Variants in DAB1 observed in about 807,000 individuals in gnomAD.
DAB1 encodes the protein DAB adaptor protein 1.
Under a neutral mutation model 64.6 loss-of-function variants are expected in DAB1, and 15 were observed. That is an observed-to-expected ratio of 0.23 (90% CI 0.16 to 0.36). DAB1 has a LOEUF of 0.36. Ranked by LOEUF, DAB1 falls within the 10% of genes least tolerant of loss-of-function variation. The probability of loss-of-function intolerance (pLI) is 1.00; values close to 1 mark genes in which losing one functional copy is unlikely to be tolerated. For synonymous variants in DAB1, 235 were observed against 251.9 expected, an observed-to-expected ratio of 0.93 and a Z score of 0.64; for missense variants, 596 against 706.7, an observed-to-expected ratio of 0.84 and a Z score of 1.78.
At chr1:58,240,910 A>C (rs1660263573) in intron 4 of DAB1, among the ~76,000 whole-genome samples, 5 of 152,190 alleles carry the variant, frequency 3.3e-5, no homozygotes, top group Admixed American at 3.3e-4. Context: ...CATACAGGAC[A>C]GTTTTTAAAG....
chr1:57,605,965 T>C, intron 7 of DAB1: 1 of 685,964 alleles, frequency 1.5e-6, no homozygotes, highest in Non-Finnish European at 2.7e-6. Context: ...GATTCTCATC[T>C]GGAAACGACC....
At chr1:57,576,081 G>A (rs777717009) in intron 7 of DAB1, among the ~76,000 whole-genome samples, 29 of 152,230 alleles carry the variant, frequency 1.9e-4, no homozygotes, top group Non-Finnish European at 4.1e-4. Flanking sequence ...TTAAACCAAT[G>A]CACATTCAGT....
intron 7 of DAB1, among the ~76,000 whole-genome samples, chr1:57,642,833 A>G (rs917220561): frequency 6.6e-6 from 1 of 152,212 alleles, no homozygotes; most frequent in Non-Finnish European, 1.5e-5. Context: ...ATTTTGTCCC[A>G]GATGCTGTCA....
chr1:57,700,023 T>C (rs981824550), intron 6 of DAB1, among the ~76,000 whole-genome samples: 7 of 152,266 alleles, frequency 4.6e-5, no homozygotes, highest in African/African-American at 1.7e-4. Context: ...CCTTTTGAAT[T>C]TCTTCTGTCT....
At chr1:57,057,791 G>A (rs1174017772) in intron 9 of DAB1, among the ~76,000 whole-genome samples, 1 of 142,046 alleles carries the variant, frequency 7.0e-6, no homozygotes, top group African/African-American at 2.6e-5. Context: ...TGTATTTTTA[G>A]TAGAGACGGG....
intron 5 of DAB1, among the ~76,000 whole-genome samples, chr1:58,003,948 G>T (rs1646543463): frequency 1.3e-5 from 2 of 152,124 alleles, no homozygotes; most frequent in South Asian, 4.2e-4. Context: ...GGGAAGTGGG[G>T]GTCAGAATAC....
Position 57,736,642 on chromosome 1 carries a change from A to G in DAB1, n.552-86977T>C, listed in dbSNP as rs112457527. Among the ~76,000 whole-genome samples the G allele has an allele frequency of 5.4e-3, 818 of 152,260 alleles. 10 individuals carry two copies. The highest frequency in any genetic ancestry group is 0.019 in the African/African-American group (779 of 41,530). ...AGCTTTTACGACCTGCATTATTATT[A>G]TTTTTAAGGAAACAGTGATTAGTCC... On this transcript the variant is annotated intron_variant and non_coding_transcript_variant, in intron 6 of 20. Transcript: ENST00000485760.
chr1:57,839,465 A>T (rs1652956927), intron 1 of DAB1, among the ~76,000 whole-genome samples: 1 of 152,194 alleles, frequency 6.6e-6, no homozygotes, highest in East Asian at 1.9e-4. Flanking sequence ...ATTTTTTGTC[A>T]TTTAAAGTTC....
chr1:58,357,151 G>C (rs1644119978), intron 3 of DAB1, among the ~76,000 whole-genome samples: 2 of 152,066 alleles, frequency 1.3e-5, no homozygotes. Flanking sequence ...TTCTTCAGCA[G>C]CTTTTGGATT....
chr1:58,261,379 G>A (rs1569577564), intron 4 of DAB1, among the ~76,000 whole-genome samples: 1 of 152,282 alleles, frequency 6.6e-6, no homozygotes, highest in East Asian at 1.9e-4. Flanking sequence ...GAACTGGACA[G>A]ACAAGCCCAC....
At chr1:57,050,861 GAATA>G (rs1649115055) in intron 9 of DAB1, among the ~76,000 whole-genome samples, 1 of 152,176 alleles carries the variant, frequency 6.6e-6, no homozygotes. Flanking sequence ...CCCAATGGAG[GAATA>G]AATGAATAAA....
chr1:57,123,516 C>T (rs564240672), intron 4 of DAB1, among the ~76,000 whole-genome samples: 6 of 152,120 alleles, frequency 3.9e-5, no homozygotes, highest in Non-Finnish European at 7.4e-5. Flanking sequence ...ATACATCTAG[C>T]AGTACAACTT....
chr1:57,693,765 C>G (rs1646792505), intron 6 of DAB1, among the ~76,000 whole-genome samples: 1 of 152,148 alleles, frequency 6.6e-6, no homozygotes, highest in Non-Finnish European at 1.5e-5. Flanking sequence ...AAGGAAGAAA[C>G]TCTGGATGTG....
intron 4 of DAB1, among the ~76,000 whole-genome samples, chr1:58,198,480 T>C (rs688010): frequency 0.53 from 80,400 of 152,038 alleles, 22,889 homozygotes; most frequent in Middle Eastern, 0.7. Context: ...AGGCAAGTCC[T>C]TGAACCTCTC....
chr1:58,432,817 G>A (rs905417765), intron 3 of DAB1, among the ~76,000 whole-genome samples: 2 of 152,198 alleles, frequency 1.3e-5, no homozygotes, highest in African/African-American at 4.8e-5. Context: ...CCCCACTCAT[G>A]GACAGAGGAG....
intron 5 of DAB1, chr1:58,074,564 G>GTGTATATATATA (rs1332531604): frequency 2.2e-5 from 2 of 91,632 alleles, no homozygotes; most frequent in African/African-American, 8.7e-5. Flanking sequence ...ATATATGTGT[G>GTGTATATATATA]TATATATATA....
rs144458349 is a variant in DAB1 at position 57,834,893 on chromosome 1, C to A, written n.88-8438G>T. On this transcript the variant is annotated intron_variant and non_coding_transcript_variant, in intron 1 of 1. Transcript: ENST00000477280. Reference sequence around the variant, plus strand: ...AAGTGTATTTCAGGGAACAGGATAACCCAGGCCCTCCTTCCCAAGTCTATT... The same window carrying A: ...AAGTGTATTTCAGGGAACAGGATAAACCAGGCCCTCCTTCCCAAGTCTATT... 2.8e-3 allele frequency among the ~76,000 whole-genome samples: 423 copies of A among 152,254 alleles called. 7 individuals carry two copies. Among genetic ancestry groups the A allele is most frequent in the Middle Eastern group, 0.01 (3 of 294 alleles).
chr1:58,296,542 C>A (rs1662001175), intron 4 of DAB1, among the ~76,000 whole-genome samples: 1 of 152,194 alleles, frequency 6.6e-6, no homozygotes, highest in Admixed American at 6.5e-5. Context: ...GCTGGAGGCT[C>A]ATGCATATGT....
intron 2 of DAB1, among the ~76,000 whole-genome samples, chr1:57,264,652 C>G (rs1487441340): frequency 6.6e-6 from 1 of 152,074 alleles, no homozygotes; most frequent in African/African-American, 2.4e-5. Flanking sequence ...AATGAGGACC[C>G]CTGAACATGA....
Sources: allele counts gnomAD v4.1 joint callset (sites outside exome capture counted in the v4.1 genomes callset), GRCh38; gene constraint gnomAD v4.1.1; transcripts MANE v1.5; gene names NCBI Gene and HGNC (gene_info 2026-07-23, HGNC 2026-07-21).